CWF19L2: variants seen among roughly 807,000 people sequenced by gnomAD.
The protein encoded by CWF19L2 is CWF19-like protein 2.
Under a neutral mutation model 111.7 loss-of-function variants are expected in CWF19L2, and 98 were observed. That is an observed-to-expected ratio of 0.88 (90% CI 0.75 to 1.04). The LOEUF (loss-of-function observed/expected upper bound fraction) is 1.04, where lower values mean the gene tolerates loss of function less well. Among genes scored for constraint, CWF19L2 ranks in the 50% least tolerant of loss-of-function variants. The pLI is 0.00. For synonymous variants in CWF19L2, 351 were observed against 342.9 expected (o/e 1.02, Z -0.26); for missense variants, 1,101 against 1,051.4 (o/e 1.05, Z -0.65).
chr11:107,368,881 A>G lies in CWF19L2; in HGVS notation c.1873-15145T>C, dbSNP rs561341062. Reference sequence around the variant, plus strand: ...ATTTTAATTCAAGAATGGTGCTTCAAAATGCCAGGTGCATTCAAAATCAGA... The same window carrying G: ...ATTTTAATTCAAGAATGGTGCTTCAGAATGCCAGGTGCATTCAAAATCAGA... On this transcript the variant is annotated intron_variant, in intron 12 of 17. Coordinates refer to ENST00000282251, the MANE Select transcript of CWF19L2 (RefSeq NM_152434.3). 8.0e-5 allele frequency among the ~76,000 whole-genome samples: 11 copies of G among 138,082 alleles called. 4 individuals carry two copies. Among genetic ancestry groups the G allele is most frequent in the Admixed American group, 6.4e-4 (9 of 14,082 alleles). 90.6% of individuals were successfully genotyped at this position (138,082 alleles called of 152,430 possible).
chr11:107,434,567 T>C (rs1861513545), intron 6 of CWF19L2, among the ~76,000 whole-genome samples: 1 of 150,424 alleles, frequency 6.6e-6, no homozygotes. Flanking sequence ...AGCAGAACAC[T>C]GCAATAATCC....
intron 10 of CWF19L2, among the ~76,000 whole-genome samples, chr11:107,411,356 G>A (rs1274453306): frequency 6.6e-6 from 1 of 152,030 alleles, no homozygotes; most frequent in African/African-American, 2.4e-5. Context: ...TAATAGCTCT[G>A]CAACCTTTTT....
At chr11:107,431,691 T>C (rs1861467545) in intron 7 of CWF19L2, among the ~76,000 whole-genome samples, 2 of 152,144 alleles carry the variant, frequency 1.3e-5, no homozygotes, top group Admixed American at 1.3e-4. Flanking sequence ...TGTTTATTAT[T>C]TGCTATCTGC....
At chr11:107,354,110 T>C (rs1441096439) in intron 12 of CWF19L2, among the ~76,000 whole-genome samples, 1 of 152,082 alleles carries the variant, frequency 6.6e-6, no homozygotes, top group Admixed American at 6.5e-5. Flanking sequence ...CTTTTTTTTT[T>C]TTTTTAACCA....
Position 107,375,263 on chromosome 11 carries a change from A to C in CWF19L2, c.1872+14811T>G, listed in dbSNP as rs1277633650. 1.5e-5 allele frequency among the ~76,000 whole-genome samples: 2 copies of C among 134,578 alleles called. 1 individual carries two copies. The highest frequency in any genetic ancestry group is 6.0e-5 in the African/African-American group (2 of 33,530). 88.3% of individuals were successfully genotyped at this position (134,578 alleles called of 152,430 possible). ...CAGGAATTGAACTCAGCTCTGCACC[A>C]AGCGGACCTAATATACATCTACAGA... On this transcript the variant is annotated intron_variant, in intron 12 of 17. Transcript: ENST00000282251.
At chr11:107,342,468 G>A (rs962403834) in intron 14 of CWF19L2, among the ~76,000 whole-genome samples, 4 of 151,710 alleles carry the variant, frequency 2.6e-5, no homozygotes, top group Non-Finnish European at 5.9e-5. Flanking sequence ...GGAATTTTTT[G>A]ATTATCTTTC....
At chr11:107,436,152 G>GC (rs1189609415) in intron 6 of CWF19L2, among the ~76,000 whole-genome samples, 2 of 134,530 alleles carry the variant, frequency 1.5e-5, no homozygotes, top group Non-Finnish European at 3.2e-5. Context: ...GACTCCACAC[G>GC]CCCCCCGACC....
chr11:107,408,634 T>C (rs895492405), intron 10 of CWF19L2, among the ~76,000 whole-genome samples: 3 of 151,970 alleles, frequency 2.0e-5, no homozygotes, highest in African/African-American at 7.2e-5. Context: ...TAAGATGGTA[T>C]TTCTAACTGC....
chr11:107,426,815 T>C (rs1861385131), intron 8 of CWF19L2, among the ~76,000 whole-genome samples: 1 of 151,642 alleles, frequency 6.6e-6, no homozygotes, highest in South Asian at 2.1e-4. Flanking sequence ...AATATATATA[T>C]TACACATTTT....
intron 10 of CWF19L2, among the ~76,000 whole-genome samples, chr11:107,411,089 GCACACACACACACA>G (rs146846176): frequency 6.7e-6 from 1 of 148,690 alleles, no homozygotes; most frequent in Non-Finnish European, 1.5e-5. Flanking sequence ...GCGCGTGCGT[GCACACACACACACA>G]CACACACACA....
At chr11:107,374,099 T>C (rs1475747032) in intron 12 of CWF19L2, among the ~76,000 whole-genome samples, 2 of 135,950 alleles carry the variant, frequency 1.5e-5, no homozygotes, top group Non-Finnish European at 3.1e-5. Flanking sequence ...GAGCAAAGCC[T>C]CCAAGAAATA....
At chr11:107,331,030 T>C (rs1303734385) in intron 16 of CWF19L2, among the ~76,000 whole-genome samples, 1 of 152,198 alleles carries the variant, frequency 6.6e-6, no homozygotes, top group Non-Finnish European at 1.5e-5. Context: ...AAAAAGTTTT[T>C]CATGTTATTT....
At chr11:107,417,033 A>T (rs1254369803) in intron 9 of CWF19L2, among the ~76,000 whole-genome samples, 1 of 152,228 alleles carries the variant, frequency 6.6e-6, no homozygotes, top group Non-Finnish European at 1.5e-5. Context: ...ATCAGATTCA[A>T]AGAGATAGAG....
chr11:107,378,770 T>TA, intron 12 of CWF19L2, among the ~76,000 whole-genome samples: 1 of 151,586 alleles, frequency 6.6e-6, no homozygotes, highest in Non-Finnish European at 1.5e-5. Flanking sequence ...AGTATAATAA[T>TA]AATAAATAAA....
intron 10 of CWF19L2, among the ~76,000 whole-genome samples, chr11:107,411,205 T>C (rs899386443): frequency 6.6e-6 from 1 of 152,128 alleles, no homozygotes; most frequent in African/African-American, 2.4e-5. Context: ...GTTAATTCTA[T>C]AAAGATCTCT....
At chr11:107,345,043 G>A (rs997103076) in intron 14 of CWF19L2, among the ~76,000 whole-genome samples, 1 of 151,952 alleles carries the variant, frequency 6.6e-6, no homozygotes, top group African/African-American at 2.4e-5. Context: ...GGCATGGCTC[G>A]TGCCTCCTCC....
intron 3 of CWF19L2, among the ~76,000 whole-genome samples, chr11:107,447,499 C>T (rs1052191061): frequency 1.3e-5 from 2 of 152,166 alleles, no homozygotes; most frequent in Non-Finnish European, 2.9e-5. Flanking sequence ...TTCCTCCCAA[C>T]CAGAATAAAG....
intron 12 of CWF19L2, among the ~76,000 whole-genome samples, chr11:107,361,204 A>G (rs1266927221): frequency 6.6e-6 from 1 of 152,220 alleles, no homozygotes; most frequent in Non-Finnish European, 1.5e-5. Context: ...CATTTACTGA[A>G]AAGAGTATCT....
chr11:107,429,057 G>A lies in CWF19L2; in HGVS notation c.1175C>T (p.Ser392Phe). ...AGAGCCCTGAGCTACCAATGCTGAA[G>A]ATGAACTAAGTGGTTCAAATTTTCT... ...KGRKFEPLSS[S>F]SALVAQGSLC... is the part of the protein sequence containing the mutation. Residue 392 changes from serine (S) to phenylalanine (F), a missense_variant, in exon 8 of 18, where the codon TCT becomes TTT. Physicochemically the swap from Ser to Phe is radical, Grantham distance 155. Transcript: ENST00000282251. 6.2e-7 allele frequency: 1 copy of A among 1,613,842 alleles called. No individual in the cohort carries two copies. Among genetic ancestry groups the A allele is most frequent in the Non-Finnish European group, 8.5e-7 (1 of 1,179,818 alleles).
Sources: allele counts gnomAD v4.1 joint callset (sites outside exome capture counted in the v4.1 genomes callset), GRCh38; gene constraint gnomAD v4.1.1; transcripts MANE v1.5; gene names NCBI Gene and HGNC (gene_info 2026-07-23, HGNC 2026-07-21).